The following TRIOBP variants were observed in gnomAD, a reference collection of about 807,000 sequenced individuals.
TRIOBP encodes TRIO and F-actin-binding protein.
Under a neutral mutation model 238.8 loss-of-function variants are expected in TRIOBP, and 169 were observed. The ratio of observed to expected loss-of-function variants is 0.71; its 90% confidence interval spans 0.62 to 0.80. The LOEUF (loss-of-function observed/expected upper bound fraction) is 0.80. TRIOBP is among the 30% of genes least tolerant of loss of function. TRIOBP has a pLI of 0.00. For missense variants in TRIOBP, 2,838 were observed against 3,122.6 expected, an observed-to-expected ratio of 0.91 and a Z score of 2.17; for synonymous variants, 1,150 against 1,274.4, an observed-to-expected ratio of 0.90 and a Z score of 2.08.
Position 37,759,586 on chromosome 22 carries a change from T to G in TRIOBP, c.6324+322T>G. The G allele has an allele frequency of 1.9e-6, 3 of 1,582,170 alleles. No homozygotes were observed. In the South Asian group the frequency reaches 3.3e-5, roughly 18 times the overall value. On this transcript the variant is annotated intron_variant, in intron 17 of 23. Coordinates refer to ENST00000644935, the MANE Select transcript of TRIOBP (RefSeq NM_001039141.3). ...GAGTCCCCGTGTGACACTCTGCACT[T>G]GGACCCTTGCCCCGGGGAAGTGGGG...
chr22:37,734,569 AC>A lies in TRIOBP; in HGVS notation c.4235del (p.Pro1412LeufsTer32). On this transcript the variant is annotated frameshift_variant, in exon 9 of 24. Transcript: ENST00000644935. LOFTEE classifies it high-confidence loss of function. Reference protein sequence around the residue: ...TPERELRTQRPLESGQAGPRQ... With the variant: ...TPERELRTQRXLESGQAGPRQ... ...CTGAGAGGGAGCTGCGGACACAGAGACCTCTGGAGAGTGGCCAAGCAGGCCC... is the reference window on the plus strand; with the variant it reads ...CTGAGAGGGAGCTGCGGACACAGAGACTCTGGAGAGTGGCCAAGCAGGCCC... The A allele has an allele frequency of 6.3e-7, 1 of 1,585,272 alleles. No individual in the cohort carries two copies. The highest frequency in any genetic ancestry group is 1.1e-5 in the South Asian group (1 of 87,976).
Position 37,734,607 on chromosome 22 carries a change from TG to T in TRIOBP, c.4276del (p.Val1426CysfsTer18). 4 of 1,581,964 alleles carry T rather than the reference TG, an allele frequency of 2.5e-6. No homozygotes were observed. Among genetic ancestry groups the T allele is most frequent in the Non-Finnish European group, 3.4e-6 (4 of 1,164,376 alleles). Reference protein sequence around the residue: ...ESGQAGPRQPLGVWQSQEEPP... With the variant: ...ESGQAGPRQPXGVWQSQEEPP... ...GGCCAAGCAGGCCCAAGACAGCCTC[TG>T]GGGGTGTGGCAGAGTCAGGAGGAAC... is the stretch of plus-strand genomic sequence containing the variant. On this transcript the variant is annotated frameshift_variant, in exon 9 of 24. Transcript: ENST00000644935. LOFTEE classifies it high-confidence loss of function.
rs772540420 is a variant in TRIOBP at position 37,713,191 on chromosome 22, G to A, written c.255-19G>A. The A allele has an allele frequency of 1.9e-6, 3 of 1,606,878 alleles. No individual in the cohort carries two copies. Among genetic ancestry groups the A allele is most frequent in the Non-Finnish European group, 2.5e-6 (3 of 1,176,860 alleles). ...GCTCCTAACTCCCCATTACTTTTTG[G>A]GTCTGTCTCCTCTCCCAGGGGCCCA... On this transcript the variant is annotated intron_variant, in intron 4 of 23. Transcript: ENST00000644935.
chr22:37,703,299 TTTC>T (rs1312620516), intron 3 of TRIOBP, among the ~76,000 whole-genome samples: 3 of 151,212 alleles, frequency 2.0e-5, no homozygotes, highest in African/African-American at 7.3e-5. Context: ...TGGCCGAGAT[TTTC>T]TTCTTCAAGT....
intron 5 of TRIOBP, among the ~76,000 whole-genome samples, chr22:37,714,802 C>T (rs1024217357): frequency 1.3e-5 from 2 of 152,080 alleles, no homozygotes; most frequent in African/African-American, 4.8e-5. Context: ...TCAGCCTCCT[C>T]AGTAGCTGGG....
Position 37,757,643 on chromosome 22 carries a change from G to A in TRIOBP, c.5718G>A (p.Leu1906=). 2 of 1,590,146 alleles carry A rather than the reference G, an allele frequency of 1.3e-6. No individual in the cohort carries two copies. Among genetic ancestry groups the A allele is most frequent in the South Asian group, 1.1e-5 (1 of 87,796 alleles). ...KLSDSNKENA[L]HSYSTQKGPL... ...CGGACTCTAACAAGGAGAACGCGCT[G>A]CACAGCTACAGCACCCAGAAGGGCC... Residue 1906 remains leucine (L), a synonymous_variant, in exon 16 of 24, where the codon CTG becomes CTA. Transcript: ENST00000644935.
At position 37,735,115 on chromosome 22, in the gene TRIOBP, G is replaced by A. The variant is rs1189024149; in HGVS notation, c.4779G>A (p.Leu1593=). The A allele has an allele frequency of 4.4e-6, 7 of 1,608,824 alleles. No homozygotes were observed. The South Asian group carries it at 6.6e-5, about 15-fold the overall frequency. The change falls in exon 9 of 24, where the codon CTG becomes CTA. Residue 1593 remains leucine (L), a synonymous_variant. Coordinates refer to ENST00000644935, the MANE Select transcript of TRIOBP (RefSeq NM_001039141.3). The stretch of plus-strand genomic sequence containing the variant: ...TCTTGGAGCTCCTGCAGGCCAGGCT[G>A]CCCCGCAAGGACCCAGCTGGACACA... ...EGLLELLQAR[L]PRKDPAGHRD...
At chr22:37,720,632 A>T (rs569061261) in intron 6 of TRIOBP, among the ~76,000 whole-genome samples, 1 of 152,126 alleles carries the variant, frequency 6.6e-6, no homozygotes, top group South Asian at 2.1e-4. Context: ...GGTGGCTTGG[A>T]GTAGGAAGTG....
intron 9 of TRIOBP, among the ~76,000 whole-genome samples, chr22:37,737,351 CCTCT>C (rs1012062417): frequency 4.6e-5 from 7 of 152,016 alleles, no homozygotes; most frequent in South Asian, 2.1e-4. Flanking sequence ...TCCAGCTGCT[CCTCT>C]CTATGAAAAT....
intron 10 of TRIOBP, 32 bp downstream of exon 10, chr22:37,738,751 TGGGGAAGGGAG>T: frequency 6.2e-7 from 1 of 1,609,126 alleles, no homozygotes; most frequent in Non-Finnish European, 8.5e-7. Context: ...GTACATACGG[TGGGGAAGGGAG>T]GGGGAAGCAG....
At chr22:37,760,821 A>G (rs1325184897) in intron 17 of TRIOBP, among the ~76,000 whole-genome samples, 1 of 152,138 alleles carries the variant, frequency 6.6e-6, no homozygotes, top group Non-Finnish European at 1.5e-5. Context: ...TAAAATACAA[A>G]AAATAGCCGG....
intron 3 of TRIOBP, among the ~76,000 whole-genome samples, chr22:37,706,832 C>G (rs1457726103): frequency 6.6e-6 from 1 of 151,812 alleles, no homozygotes; most frequent in Non-Finnish European, 1.5e-5. Flanking sequence ...CTTGAGCTTC[C>G]AGTTGCTCTG....
intron 11 of TRIOBP, among the ~76,000 whole-genome samples, chr22:37,742,560 G>A (rs1924990310): frequency 6.6e-6 from 1 of 152,190 alleles, no homozygotes; most frequent in African/African-American, 2.4e-5. Context: ...ACCCAGCTGA[G>A]CCCAGAATTT....
At chr22:37,722,779 GA>G (rs1923902529) in intron 6 of TRIOBP, among the ~76,000 whole-genome samples, 1 of 152,202 alleles carries the variant, frequency 6.6e-6, no homozygotes, top group African/African-American at 2.4e-5. Context: ...CTGATTGAAG[GA>G]AATAGAACTG....
chr22:37,751,774 C>A lies in TRIOBP; in HGVS notation c.5325C>A (p.Pro1775=). ...LSLGVLRWRR[P]DLLNFKKGWM... Reference sequence around the variant, plus strand: ...CCTCCCTCCTCATCTCCCCACAGCCCGATCTGCTCAACTTCAAGAAGGGAT... The same window carrying A: ...CCTCCCTCCTCATCTCCCCACAGCCAGATCTGCTCAACTTCAAGAAGGGAT... The change falls in exon 12 of 24, where the codon CCC becomes CCA. Residue 1775 remains proline, a splice_region_variant and synonymous_variant. Transcript: ENST00000644935. The A allele has an allele frequency of 1.9e-6, 3 of 1,614,120 alleles. No individual in the cohort carries two copies. Among genetic ancestry groups the A allele is most frequent in the Non-Finnish European group, 2.5e-6 (3 of 1,180,006 alleles).
Position 37,776,072 on chromosome 22 carries a change from C to T in TRIOBP, c.*2292C>T, listed in dbSNP as rs137873182. ...GCTCTCCATCCCATCCTCTGCCTCCCTTCTAGCCTCAACCTAACTCAGGGC... is the reference window on the plus strand; with the variant it reads ...GCTCTCCATCCCATCCTCTGCCTCCTTTCTAGCCTCAACCTAACTCAGGGC... On this transcript the variant is annotated 3_prime_UTR_variant, in exon 24 of 24. Transcript: ENST00000644935. The T allele has an allele frequency of 3.3e-3, 502 of 152,424 alleles. 26 individuals are homozygous for T. In the East Asian group the frequency reaches 0.069, roughly 21 times the overall value. 9.4% of individuals were successfully genotyped at this position (152,424 alleles called of 1,614,324 possible). A position where few individuals can be genotyped will look rare whatever the true frequency, so the allele number is the denominator to read the frequency against.
At chr22:37,709,092 C>T (rs910413752) in intron 3 of TRIOBP, among the ~76,000 whole-genome samples, 2 of 152,212 alleles carry the variant, frequency 1.3e-5, no homozygotes, top group Non-Finnish European at 2.9e-5. Context: ...CAGAATCTGG[C>T]TGCAGGGCAG....
chr22:37,723,679 C>T lies in TRIOBP; in HGVS notation c.1123C>T (p.Arg375Trp), dbSNP rs563598946. ...TTCTTTTCCTACTTGTACTCCCCAG[C>T]GGGAAAACCCCAGGACACCCTGTGT... The part of the protein sequence containing the change: ...QTSFPTCTPQ[R>W]ENPRTPCVQQ... Residue 375 changes from arginine to tryptophan, a missense_variant, in exon 7 of 24, where the codon CGG (arginine) becomes TGG (tryptophan). Physicochemically the swap from Arg to Trp is moderately radical, Grantham distance 101. Coordinates refer to ENST00000644935, the MANE Select transcript of TRIOBP (RefSeq NM_001039141.3). 13 of 1,614,136 alleles carry T rather than the reference C, an allele frequency of 8.1e-6. No individual in the cohort carries two copies. Among genetic ancestry groups the T allele is most frequent in the African/African-American group, 8.0e-5 (6 of 75,032 alleles).
At chr22:37,713,756 C>T (rs1923378232) in intron 5 of TRIOBP, among the ~76,000 whole-genome samples, 3 of 152,200 alleles carry the variant, frequency 2.0e-5, no homozygotes, top group African/African-American at 7.2e-5. Context: ...GGCACAGGGC[C>T]CCAGGGCCCT....
Sources: gnomAD v4.1 joint callset for allele counts (sites outside exome capture counted in the v4.1 genomes callset) on GRCh38, gnomAD v4.1.1 for gene constraint, MANE v1.5 for transcripts, NCBI Gene and HGNC (gene_info 2026-07-23, HGNC 2026-07-21) for gene names.